The following ESRRG variants were observed in gnomAD, a reference collection of about 807,000 sequenced individuals.
The protein encoded by ESRRG is estrogen-related receptor gamma.
A neutral mutation model predicts 44.0 loss-of-function variants in ESRRG; 13 were observed. That is an observed-to-expected ratio of 0.30 (90% CI 0.19 to 0.47). The LOEUF (loss-of-function observed/expected upper bound fraction) is 0.47, where lower values mean the gene tolerates loss of function less well. Among genes scored for constraint, ESRRG ranks in the 20% least tolerant of loss-of-function variants. The probability of loss-of-function intolerance (pLI) is 1.00; values close to 1 mark genes in which losing one functional copy is unlikely to be tolerated. For missense variants in ESRRG, 395 were observed against 580.6 expected (o/e 0.68, Z 3.29); for synonymous variants, 215 against 214.6 (o/e 1.00, Z -0.02).
chr1:216,658,212 C>T (rs1401024362), intron 2 of ESRRG, among the ~76,000 whole-genome samples: 10 of 152,066 alleles, frequency 6.6e-5, no homozygotes, highest in Non-Finnish European at 1.5e-5. Context: ...GATTCTATTC[C>T]TCCACTGTAT....
chr1:216,515,027 C>A (rs542326344), intron 6 of ESRRG, among the ~76,000 whole-genome samples: 1 of 151,292 alleles, frequency 6.6e-6, no homozygotes, highest in South Asian at 2.1e-4. Context: ...ATGTATGAAA[C>A]CAAACTGGCC....
At chr1:216,698,368 A>T (rs2080648444) in intron 1 of ESRRG, among the ~76,000 whole-genome samples, 1 of 151,708 alleles carries the variant, frequency 6.6e-6, no homozygotes, top group African/African-American at 2.4e-5. Context: ...ATACAAAAAA[A>T]ATTATCCGGG....
At chr1:216,611,138 G>T (rs1314182516) in intron 3 of ESRRG, among the ~76,000 whole-genome samples, 1 of 148,952 alleles carries the variant, frequency 6.7e-6, no homozygotes, top group Non-Finnish European at 1.5e-5. Context: ...GGGAGGTGGA[G>T]GTTGCAGTGA....
In ESRRG at chr1:216,807,257, C is replaced by A. The variant is rs138762596; in HGVS notation, c.-13-129766G>T. ...CCCGCAAAGACGGTTGGGAGAGGTT[C>A]TCTTGGGGATCTCATAATTGTCTAT... is the stretch of plus-strand genomic sequence containing the variant. On this transcript the variant is annotated intron_variant, in intron 2 of 7. Coordinates refer to the ESRRG transcript ENST00000359162. Among the ~76,000 whole-genome samples, 685 of 152,218 alleles carry A rather than the reference C, an allele frequency of 4.5e-3. 5 individuals are homozygous for A. Among genetic ancestry groups the A allele is most frequent in the African/African-American group, 0.016 (648 of 41,542 alleles).
chr1:217,026,741 C>T (rs909133933), intron 1 of ESRRG, among the ~76,000 whole-genome samples: 5 of 152,040 alleles, frequency 3.3e-5, no homozygotes, highest in Admixed American at 3.3e-4. Context: ...CACAAATAGC[C>T]TACAGTGCCA....
chr1:216,918,338 GCTCT>G (rs2061431423), intron 2 of ESRRG, among the ~76,000 whole-genome samples: 1 of 152,002 alleles, frequency 6.6e-6, no homozygotes, highest in African/African-American at 2.4e-5. Context: ...TATGTGCCCT[GCTCT>G]CTCTTTCAAA....
At position 216,873,206 on chromosome 1, in the gene ESRRG, T is replaced by G. The variant is rs565253155; in HGVS notation, c.-14+66376A>C. On this transcript the variant is annotated intron_variant, in intron 2 of 7. Coordinates refer to the ESRRG transcript ENST00000359162. ...AGCCCAGGAGTTCATAAACATCTTTTCAGTTTTTTTTTTTTTTTTTTTTTG... is the reference window on the plus strand; with the variant it reads ...AGCCCAGGAGTTCATAAACATCTTTGCAGTTTTTTTTTTTTTTTTTTTTTG... Among the ~76,000 whole-genome samples, 1,110 of 125,088 alleles carry G rather than the reference T, an allele frequency of 8.9e-3. 20 individuals are homozygous for G. The highest frequency in any genetic ancestry group is 0.035 in the African/African-American group (1,047 of 29,548). The allele number at this position is 125,088 out of a possible 152,430, so 82.1% of individuals were successfully genotyped here. A position where few individuals can be genotyped will look rare whatever the true frequency, so the allele number is the denominator to read the frequency against.
Position 216,991,597 on chromosome 1 carries a change from A to G in ESRRG, c.-105-51924T>C, listed in dbSNP as rs78295340. ...AGAATAGGATAGGCTGGGATGGGAT[A>G]GCATGGGATGGGATGGGATAGGATG... is the stretch of plus-strand genomic sequence containing the variant. On this transcript the variant is annotated intron_variant, in intron 1 of 7. Transcript: ENST00000359162. 5.9e-4 allele frequency among the ~76,000 whole-genome samples: 71 copies of G among 120,530 alleles called. No individual in the cohort carries two copies. In the East Asian group the frequency reaches 9.3e-3, roughly 16 times the overall value. The allele number at this position is 120,530 out of a possible 152,430, so 79.1% of individuals were successfully genotyped here.
At chr1:217,098,168 C>T (rs1198905443) in intron 1 of ESRRG, among the ~76,000 whole-genome samples, 1 of 152,144 alleles carries the variant, frequency 6.6e-6, no homozygotes, top group East Asian at 1.9e-4. Context: ...AAGTTCTTTA[C>T]ACTTTCACAG....
At chr1:217,006,898 G>A (rs1418636646) in intron 1 of ESRRG, among the ~76,000 whole-genome samples, 1 of 152,060 alleles carries the variant, frequency 6.6e-6, no homozygotes, top group African/African-American at 2.4e-5. Context: ...AAACTGAACT[G>A]TGGTCAAAGT....
chr1:216,952,019 C>T (rs77804655), intron 1 of ESRRG, among the ~76,000 whole-genome samples: 1,662 of 152,060 alleles, frequency 0.011, 29 homozygotes, highest in African/African-American at 0.038. Flanking sequence ...AATACACAAC[C>T]TGCATCCAAA....
At chr1:216,613,172 AG>A (rs1275548953) in intron 3 of ESRRG, among the ~76,000 whole-genome samples, 4 of 152,144 alleles carry the variant, frequency 2.6e-5, no homozygotes. Context: ...CTTCTTTGGA[AG>A]TCTTTTGGTC....
chr1:216,960,699 C>A (rs185565450), intron 1 of ESRRG, among the ~76,000 whole-genome samples: 9 of 152,220 alleles, frequency 5.9e-5, no homozygotes, highest in Non-Finnish European at 1.0e-4. Context: ...TATCCTCCTG[C>A]CTTAATCTCC....
At chr1:216,680,332 T>A (rs1296037728) in intron 1 of ESRRG, among the ~76,000 whole-genome samples, 1 of 152,154 alleles carries the variant, frequency 6.6e-6, no homozygotes, top group Non-Finnish European at 1.5e-5. Flanking sequence ...TTGCTGAGGG[T>A]CATACAGCTA....
intron 1 of ESRRG, among the ~76,000 whole-genome samples, chr1:216,998,218 C>G (rs1254742240): frequency 1.3e-5 from 2 of 152,142 alleles, no homozygotes; most frequent in Non-Finnish European, 2.9e-5. Flanking sequence ...ATGCAAGAAA[C>G]ACTAAACACC....
intron 2 of ESRRG, among the ~76,000 whole-genome samples, chr1:216,750,381 G>A (rs1437889800): frequency 1.3e-5 from 2 of 151,964 alleles, no homozygotes; most frequent in Non-Finnish European, 2.9e-5. Flanking sequence ...TCTATTAGTT[G>A]ATATTCTATG....
chr1:216,547,209 C>T (rs2054781932), intron 5 of ESRRG, among the ~76,000 whole-genome samples: 2 of 151,730 alleles, frequency 1.3e-5, no homozygotes, highest in African/African-American at 4.8e-5. Flanking sequence ...AGGCCTGGCA[C>T]CTAGCAAGAG....
At chr1:216,525,576 G>T (rs776966215) in intron 5 of ESRRG, among the ~76,000 whole-genome samples, 2 of 152,062 alleles carry the variant, frequency 1.3e-5, no homozygotes, top group East Asian at 3.9e-4. Context: ...TTTTTTACTA[G>T]TTGAAAATAA....
chr1:216,894,673 G>A (rs12744303), intron 2 of ESRRG, among the ~76,000 whole-genome samples: 2,843 of 152,184 alleles, frequency 0.019, 37 homozygotes, highest in Non-Finnish European at 0.023. Flanking sequence ...GGCAGTATGG[G>A]GAGGGAGGAG....
Sources: gnomAD v4.1 joint callset for allele counts (sites outside exome capture counted in the v4.1 genomes callset) on GRCh38, gnomAD v4.1.1 for gene constraint, MANE v1.5 for transcripts, NCBI Gene and HGNC (gene_info 2026-07-23, HGNC 2026-07-21) for gene names.